CLCN5: variants seen among roughly 807,000 people sequenced by gnomAD.
The protein encoded by CLCN5 is Cl-/H+ antiporter 5.
In CLCN5, 17 loss-of-function variants were observed where a neutral mutation model predicts 54.0. The observed-to-expected ratio is 0.31, with a 90% CI of 0.22 to 0.47. The LOEUF (loss-of-function observed/expected upper bound fraction) is 0.47, where lower values mean the gene tolerates loss of function less well. Among genes scored for constraint, CLCN5 ranks in the 20% least tolerant of loss-of-function variants. The probability of loss-of-function intolerance (pLI) is 1.00; values close to 1 mark genes in which losing one functional copy is unlikely to be tolerated. For synonymous variants in CLCN5, 222 were observed against 233.0 expected, an observed-to-expected ratio of 0.95 and a Z score of 0.43; for missense variants, 448 against 646.7, an observed-to-expected ratio of 0.69 and a Z score of 3.33.
intron 4 of CLCN5, among the ~76,000 whole-genome samples, chrX:50,060,697 G>C (rs1932842694): frequency 8.9e-6 from 1 of 112,373 alleles, no homozygotes; most frequent in Admixed American, 9.3e-5. Flanking sequence ...CTCCACCTTT[G>C]GGGGCAGGGC....
intron 3 of CLCN5, among the ~76,000 whole-genome samples, chrX:50,002,422 A>G (rs12014289): frequency 0.12 from 13,322 of 111,642 alleles, 1,958 homozygotes; most frequent in African/African-American, 0.42. Context: ...AATTTTAATA[A>G]GCTAAAGGTT....
At chrX:50,027,690 T>C (rs1931478505) in intron 3 of CLCN5, among the ~76,000 whole-genome samples, 1 of 110,935 alleles carries the variant, frequency 9.0e-6, no homozygotes, top group Admixed American at 9.6e-5. Flanking sequence ...ATTCCAACAT[T>C]CCTTCCATGT....
At chrX:49,962,219 T>C (rs1420159668) in intron 3 of CLCN5, among the ~76,000 whole-genome samples, 4 of 112,045 alleles carry the variant, frequency 3.6e-5, no homozygotes, top group Non-Finnish European at 7.5e-5. Flanking sequence ...AAAAGGTACA[T>C]GACATAAGGA....
intron 3 of CLCN5, among the ~76,000 whole-genome samples, chrX:49,987,868 C>T (rs1444776060): frequency 1.8e-5 from 2 of 111,519 alleles, no homozygotes; most frequent in Non-Finnish European, 3.8e-5. Flanking sequence ...TTAATATGCT[C>T]ACTACAGTGC....
At chrX:50,087,558 GGTTTT>G (rs1226704715) in intron 11 of CLCN5, among the ~76,000 whole-genome samples, 12 of 111,648 alleles carry the variant, frequency 1.1e-4, no homozygotes, top group Non-Finnish European at 2.1e-4. Context: ...CTCCTTTCTA[GGTTTT>G]TGTTTGTTTC....
intron 3 of CLCN5, among the ~76,000 whole-genome samples, chrX:50,034,055 G>T (rs1931867011): frequency 8.9e-6 from 1 of 112,301 alleles, no homozygotes; most frequent in African/African-American, 3.2e-5. Context: ...AAAGTGCTAT[G>T]GGTTAAGAAT....
At chrX:49,949,806 A>G (rs782210218) in intron 3 of CLCN5, among the ~76,000 whole-genome samples, 29 of 112,021 alleles carry the variant, frequency 2.6e-4, no homozygotes, top group Middle Eastern at 4.6e-3. Context: ...GCCAGAAATC[A>G]GATTCCTTGA....
intron 3 of CLCN5, among the ~76,000 whole-genome samples, chrX:49,965,708 G>T (rs1557175347): frequency 8.9e-6 from 1 of 112,222 alleles, no homozygotes; most frequent in East Asian, 2.8e-4. Flanking sequence ...AAAGCATCCA[G>T]TCTTTCATCT....
At chrX:50,065,038 G>T (rs1179595603) in intron 4 of CLCN5, among the ~76,000 whole-genome samples, 1 of 109,413 alleles carries the variant, frequency 9.1e-6, no homozygotes, top group Non-Finnish European at 1.9e-5. Context: ...TTAAACATTA[G>T]ACCTAAAACC....
At position 50,086,600 on chromosome X, in the gene CLCN5, G is replaced by A; in HGVS notation, c.1287G>A (p.Glu429=). 1 of 1,210,801 alleles carries A rather than the reference G, an allele frequency of 8.3e-7. No individual in the cohort carries two copies. Among genetic ancestry groups the A allele is most frequent in the Non-Finnish European group, 1.1e-6 (1 of 895,170 alleles). The change falls in exon 11 of 15, where the codon GAG becomes GAA. Residue 429 remains glutamate, a synonymous_variant. Transcript: ENST00000376091. ...AGTTGGGCAAGTATCCTGTTATAGA[G>A]GTACTCGTCGTGACAGCCATCACTG... ...TTQLGKYPVI[E]VLVVTAITAI...
intron 3 of CLCN5, among the ~76,000 whole-genome samples, chrX:49,959,422 T>C (rs1036355125): frequency 1.5e-4 from 17 of 112,271 alleles, no homozygotes; most frequent in African/African-American, 5.2e-4. Flanking sequence ...AGCATGTTAT[T>C]TCCTGGCTGA....
chrX:50,000,858 A>G lies in CLCN5; in HGVS notation c.17-41458A>G, dbSNP rs940180734. ...CTTTGCCTGGAGCAACTGATTCTCC[A>G]TAGAAGAAAACTCACACCTAAGCTG... On this transcript the variant is annotated intron_variant, in intron 3 of 14. Transcript: ENST00000376091. Among the ~76,000 whole-genome samples the G allele has an allele frequency of 3.5e-4, 39 of 112,144 alleles. No individual in the cohort carries two copies. The Middle Eastern group carries it at 0.014, about 40-fold the overall frequency.
At chrX:50,007,393 C>T (rs978724878) in intron 3 of CLCN5, among the ~76,000 whole-genome samples, 1 of 83,553 alleles carries the variant, frequency 1.2e-5, no homozygotes, top group Non-Finnish European at 2.3e-5. Context: ...CTCTCTCTCT[C>T]TCTTTCTCTC....
intron 3 of CLCN5, among the ~76,000 whole-genome samples, chrX:49,957,024 C>T (rs1011989470): frequency 3.6e-5 from 4 of 111,977 alleles, no homozygotes; most frequent in African/African-American, 1.3e-4. Flanking sequence ...TGTGGCCGGG[C>T]GTGGTGGCTC....
chrX:49,973,597 A>T (rs1235706348), intron 3 of CLCN5, among the ~76,000 whole-genome samples: 6 of 108,682 alleles, frequency 5.5e-5, no homozygotes, highest in Non-Finnish European at 1.1e-4. Context: ...CACCCATTTA[A>T]AGTGTACAAT....
At chrX:50,076,044 A>C in intron 7 of CLCN5, 62 bp downstream of exon 7, 1 of 1,039,866 alleles carries the variant, frequency 9.6e-7, no homozygotes, top group Non-Finnish European at 1.3e-6. Flanking sequence ...TTTATTTCTT[A>C]TACTGTGCTC....
Position 50,086,713 on chromosome X carries a change from C to T in CLCN5, c.1400C>T (p.Ser467Phe). The T allele has an allele frequency of 8.3e-7, 1 of 1,211,163 alleles. No individual in the cohort carries two copies. The highest frequency in any genetic ancestry group is 1.1e-6 in the Non-Finnish European group (1 of 895,496). The change falls in exon 11 of 15, where the codon TCC (serine) becomes TTC (phenylalanine). Residue 467 changes from serine to phenylalanine, a missense_variant. Around this residue, in one of 5 missense-constraint regions of CLCN5, gnomAD observed 297 missense variants for 470.4 expected, o/e 0.63. Transcript: ENST00000376091. ...TTTAATGACTGTGGCCTTCTGGACT[C>T]CTCCAAGCTCTGTGATTATGAGAAC... ...ELFNDCGLLD[S>F]SKLCDYENRF...
intron 3 of CLCN5, among the ~76,000 whole-genome samples, chrX:50,011,404 G>A (rs782479175): frequency 8.9e-6 from 1 of 112,235 alleles, no homozygotes; most frequent in Admixed American, 9.4e-5. Context: ...GGATGAATAG[G>A]CCACTGTTCA....
intron 3 of CLCN5, among the ~76,000 whole-genome samples, chrX:49,996,551 T>C (rs1363045843): frequency 8.9e-6 from 1 of 112,612 alleles, no homozygotes; most frequent in Non-Finnish European, 1.9e-5. Context: ...AGTCTTCATG[T>C]CCATCTGGAC....
Sources: gnomAD v4.1 joint callset for allele counts (sites outside exome capture counted in the v4.1 genomes callset) on GRCh38, gnomAD v4.1.1 for gene constraint, gnomAD v4.1.1 regional missense constraint, MANE v1.5 for transcripts, NCBI Gene and HGNC (gene_info 2026-07-23, HGNC 2026-07-21) for gene names.